MTPAP: variants seen among roughly 807,000 people sequenced by gnomAD.
The protein encoded by MTPAP is mitochondrial poly(A) polymerase, also known as poly(A) RNA polymerase, mitochondrial.
A neutral mutation model predicts 48.7 loss-of-function variants in MTPAP; 23 were observed. That is an observed-to-expected ratio of 0.47 (90% CI 0.34 to 0.67). The LOEUF is 0.67. MTPAP is among the 30% of genes least tolerant of loss of function. The pLI is 0.01. For missense variants in MTPAP, 614 were observed against 694.3 expected (o/e 0.88, Z 1.30); for synonymous variants, 257 against 254.1 (o/e 1.01, Z -0.11).
chr10:30,340,250 A>C lies in MTPAP; in HGVS notation c.531T>G (p.Phe177Leu), dbSNP rs775462260. 9.9e-6 allele frequency: 16 copies of C among 1,613,970 alleles called. No individual in the cohort carries two copies. Among genetic ancestry groups the C allele is most frequent in the Non-Finnish European group, 1.2e-5 (14 of 1,179,920 alleles). The change falls in exon 3 of 9, where the codon TTT (phenylalanine) becomes TTG (leucine). Residue 177 changes from phenylalanine to leucine, a missense_variant. Physicochemically the swap from Phe to Leu is conservative, Grantham distance 22 (BLOSUM62 0). Coordinates refer to ENST00000263063, the MANE Select transcript of MTPAP (RefSeq NM_018109.4). ...CACTTTCTGCATAACAAAGTAATTC[A>C]AAAAGCTGCTTGTTTGAACGTGGCA... The part of the protein sequence containing the change: ...NQLPRSNKQL[F>L]ELLCYAESID...
At chr10:30,322,714 C>G in intron 5 of MTPAP, 97 bp from the exon 6 acceptor site, 1 of 834,260 alleles carries the variant, frequency 1.2e-6, no homozygotes, top group Non-Finnish European at 2.0e-6. Context: ...AAATATCCTA[C>G]TATATCTGAA....
intron 1 of MTPAP, among the ~76,000 whole-genome samples, chr10:30,346,874 T>C (rs1834879226): frequency 6.6e-6 from 1 of 152,152 alleles, no homozygotes; most frequent in Non-Finnish European, 1.5e-5. Context: ...CGCAAGCATG[T>C]GAACGTGGAG....
chr10:30,320,135 A>T (rs138202947), intron 6 of MTPAP, among the ~76,000 whole-genome samples: 3 of 152,194 alleles, frequency 2.0e-5, no homozygotes, highest in Non-Finnish European at 4.4e-5. Flanking sequence ...TGGTGGCACA[A>T]GCCTGTATAT....
Position 30,332,517 on chromosome 10 carries a change from C to T in MTPAP, c.780+4286G>A, listed in dbSNP as rs184334049. Among the ~76,000 whole-genome samples the T allele has an allele frequency of 4.1e-3, 621 of 152,266 alleles. 3 individuals are homozygous for T. The highest frequency in any genetic ancestry group is 6.7e-3 in the Non-Finnish European group (458 of 68,030). On this transcript the variant is annotated intron_variant, in intron 4 of 8. Coordinates refer to ENST00000263063, the MANE Select transcript of MTPAP (RefSeq NM_018109.4). ...CTACATTGGCCAGGCTGGTCTCGAA[C>T]TCCTGACCTCAAGTGATCCACCCGA...
intron 1 of MTPAP, among the ~76,000 whole-genome samples, chr10:30,343,312 G>A (rs554270085): frequency 4.9e-4 from 75 of 151,734 alleles, no homozygotes; most frequent in Non-Finnish European, 7.7e-4. Flanking sequence ...TACTTGGGAG[G>A]CTGAGGTAGG....
In MTPAP at chr10:30,339,122, C is replaced by CAAAACA. The variant is rs1449910083; in HGVS notation, c.555+1098_555+1103dup. Among the ~76,000 whole-genome samples the CAAAACA allele has an allele frequency of 2.7e-5, 4 of 149,860 alleles. No homozygotes were observed. The South Asian group carries it at 8.4e-4, about 32-fold the overall frequency. On this transcript the variant is annotated intron_variant, in intron 3 of 8. Coordinates refer to ENST00000263063, the MANE Select transcript of MTPAP (RefSeq NM_018109.4). ...TGGGCGACAGAGCAAGAGTCCGTCT[C>CAAAACA]AAAACAAAAACAAAAACAAACAAAC... is the stretch of plus-strand genomic sequence containing the variant.
At chr10:30,316,336 A>G (rs1326013265) in intron 6 of MTPAP, 126 bp from the exon 7 acceptor site, 24 of 744,576 alleles carry the variant, frequency 3.2e-5, no homozygotes, top group Admixed American at 1.5e-4. Flanking sequence ...TCCACCTCCC[A>G]GGTTCCAGCA....
chr10:30,335,493 AAAAAAT>A (rs1834720531), intron 4 of MTPAP, among the ~76,000 whole-genome samples: 1 of 152,198 alleles, frequency 6.6e-6, no homozygotes, highest in African/African-American at 2.4e-5. Context: ...ATCTCCAACA[AAAAAAT>A]AAAAATAAAA....
chr10:30,315,503 A>AG (rs1491372049), intron 8 of MTPAP, among the ~76,000 whole-genome samples: 3 of 41,904 alleles, frequency 7.2e-5, no homozygotes, highest in Non-Finnish European at 2.8e-4. Context: ...TCATTTGCTC[A>AG]AAAAAAAAAA....
rs1354312246 is a variant in MTPAP, at chr10:30,315,977, T to C, written c.1372A>G (p.Ile458Val). 7.5e-6 allele frequency: 12 copies of C among 1,598,166 alleles called. No individual in the cohort carries two copies. The highest frequency in any genetic ancestry group is 2.2e-5 in the East Asian group (1 of 44,774). ...ACATTATTTACCTGTCGAATATTTA[T>C]GGAATTTTTATCGAAAGCAAAATTG... ...FGNFAFDKNSINIRQGREQNK... is the reference protein window; with the variant it reads ...FGNFAFDKNSVNIRQGREQNK... The change falls in exon 8 of 9, where the codon ATA (isoleucine) becomes GTA (valine). Residue 458 changes from isoleucine to valine, a missense_variant. Ile to Val is a conservative substitution (Grantham distance 29). This residue lies in a region of MTPAP where 261 missense variants were observed against 355.4 expected (regional missense o/e 0.73). Transcript: ENST00000263063.
At chr10:30,320,689 G>A (rs190403817) in intron 6 of MTPAP, among the ~76,000 whole-genome samples, 1 of 152,232 alleles carries the variant, frequency 6.6e-6, no homozygotes, top group Admixed American at 6.5e-5. Flanking sequence ...CTTGAGATAA[G>A]GAGGAAAGAC....
At chr10:30,324,969 C>T (rs978560748) in intron 5 of MTPAP, among the ~76,000 whole-genome samples, 25 of 146,302 alleles carry the variant, frequency 1.7e-4, no homozygotes, top group African/African-American at 4.3e-4. Flanking sequence ...CTAGCCTACG[C>T]GACAGAGCAA....
intron 1 of MTPAP, 68 bp downstream of exon 1, chr10:30,349,051 G>A: frequency 6.2e-7 from 1 of 1,609,934 alleles, no homozygotes; most frequent in Non-Finnish European, 8.5e-7. Context: ...CAGGCCACGT[G>A]TTTCCCCGTG....
At chr10:30,347,860 C>T (rs150222410) in intron 1 of MTPAP, among the ~76,000 whole-genome samples, 9 of 151,828 alleles carry the variant, frequency 5.9e-5, no homozygotes, top group African/African-American at 1.7e-4. Context: ...CATTGCACTC[C>T]AGCCTGGGTG....
chr10:30,341,706 A>T, intron 1 of MTPAP, 66 bp from the exon 2 acceptor site: 1 of 1,562,230 alleles, frequency 6.4e-7, no homozygotes, highest in South Asian at 1.1e-5. Flanking sequence ...TATTTTGATA[A>T]GGTGTTTAAA....
chr10:30,316,641 G>A (rs1410165485), intron 6 of MTPAP, among the ~76,000 whole-genome samples: 1 of 150,976 alleles, frequency 6.6e-6, no homozygotes, highest in African/African-American at 2.4e-5. Context: ...TGTAATCCCA[G>A]AACTTTGGAA....
In MTPAP at chr10:30,349,146, C is replaced by A; in HGVS notation, c.130G>T (p.Glu44Ter). The A allele has an allele frequency of 6.2e-7, 1 of 1,613,826 alleles. No homozygotes were observed. Among genetic ancestry groups the A allele is most frequent in the Non-Finnish European group, 8.5e-7 (1 of 1,179,850 alleles). The change falls in exon 1 of 9, where the codon GAG becomes TAG. Residue 44 changes from glutamate to a stop codon, truncating the protein, a stop_gained. Coordinates refer to ENST00000263063, the MANE Select transcript of MTPAP (RefSeq NM_018109.4). LOFTEE classifies it high-confidence loss of function. ...GTCTCCACGCTCCCTGAAGGCTGCT[C>A]GTCTCTCCTAAGGTCTTTGGCCACA... ...GTVAKDLRRD[E>*]QPSGSVETGF...
intron 1 of MTPAP, 63 bp from the exon 2 acceptor site, chr10:30,341,703 A>G (rs972337824): frequency 3.2e-5 from 51 of 1,578,048 alleles, no homozygotes; most frequent in Non-Finnish European, 3.8e-5. Flanking sequence ...AAATATTTTG[A>G]TAAGGTGTTT....
intron 5 of MTPAP, among the ~76,000 whole-genome samples, chr10:30,323,313 G>A (rs1156302410): frequency 6.0e-5 from 9 of 151,072 alleles, no homozygotes; most frequent in Non-Finnish European, 1.0e-4. Context: ...TTAGCTGGGC[G>A]TGGTGGCGCA....
Sources: gnomAD v4.1 joint callset for allele counts (sites outside exome capture counted in the v4.1 genomes callset) on GRCh38, gnomAD v4.1.1 for gene constraint, gnomAD v4.1.1 regional missense constraint, MANE v1.5 for transcripts, NCBI Gene and HGNC (gene_info 2026-07-23, HGNC 2026-07-21) for gene names.